The following TANK variants were observed in gnomAD, a reference collection of about 807,000 sequenced individuals.
The protein encoded by TANK is TRAF family member-associated NF-kappa-B activator.
Under a neutral mutation model 43.6 loss-of-function variants are expected in TANK, and 15 were observed. The observed-to-expected ratio is 0.34, with a 90% CI of 0.23 to 0.53. TANK has a LOEUF of 0.53. Among genes scored for constraint, TANK ranks in the 20% least tolerant of loss-of-function variants. The pLI is 0.94. For missense variants in TANK, 417 were observed against 498.6 expected (o/e 0.84, Z 1.56); for synonymous variants, 162 against 178.2 (o/e 0.91, Z 0.73).
At chr2:161,182,238 A>G (rs1241293739) in intron 2 of TANK, among the ~76,000 whole-genome samples, 1 of 152,142 alleles carries the variant, frequency 6.6e-6, no homozygotes, top group African/African-American at 2.4e-5. Flanking sequence ...AGCAGTGGAC[A>G]CCAGCTAGAT....
In TANK at chr2:161,224,762, A is replaced by T; in HGVS notation, c.520+16A>T. 1 of 1,373,346 alleles carries T rather than the reference A, an allele frequency of 7.3e-7. No individual in the cohort carries two copies. Among genetic ancestry groups the T allele is most frequent in the Non-Finnish European group, 1.0e-6 (1 of 998,958 alleles). 85.1% of individuals were successfully genotyped at this position (1,373,346 alleles called of 1,614,324 possible). A position where few individuals can be genotyped will look rare whatever the true frequency, so the allele number is the denominator to read the frequency against. On this transcript the variant is annotated intron_variant, in intron 6 of 7. Coordinates refer to ENST00000392749, the MANE Select transcript of TANK (RefSeq NM_001199135.3). ...ACTGCAACTGGTAAGATTTAATTTA[A>T]TTTACAGTAATATTGATTTGCTTGA...
chr2:161,140,906 C>T (rs916191516), intron 1 of TANK, among the ~76,000 whole-genome samples: 2 of 151,994 alleles, frequency 1.3e-5, no homozygotes, highest in Non-Finnish European at 2.9e-5. Flanking sequence ...ATATACCACC[C>T]TTCCTACCCC....
At chr2:161,186,339 T>C (rs1236633579) in intron 2 of TANK, among the ~76,000 whole-genome samples, 1 of 152,226 alleles carries the variant, frequency 6.6e-6, no homozygotes, top group Non-Finnish European at 1.5e-5. Flanking sequence ...AATATATTCC[T>C]ATTTCAGAAC....
intron 4 of TANK, among the ~76,000 whole-genome samples, chr2:161,221,537 C>T (rs185249610): frequency 7.9e-4 from 120 of 152,176 alleles, no homozygotes; most frequent in African/African-American, 2.8e-3. Context: ...ATCCTAAATC[C>T]TTTGAAAAAT....
rs1684591516 is a variant in TANK at position 161,164,614 on chromosome 2, C to T, written c.-50+4128C>T. ...CTAAGTGCAGTATTTGGTCACTGTT[C>T]AAATAAGTTGAGGGTAACTGGTACC... On this transcript the variant is annotated intron_variant, in intron 1 of 7. Transcript: ENST00000392749. Among the ~76,000 whole-genome samples the T allele has an allele frequency of 1.3e-5, 2 of 152,120 alleles. 1 individual carries two copies. The highest frequency in any genetic ancestry group is 6.3e-3 in the Middle Eastern group (2 of 316).
chr2:161,186,496 AGAAT>A (rs1268506818), intron 2 of TANK, among the ~76,000 whole-genome samples: 1 of 152,224 alleles, frequency 6.6e-6, no homozygotes, highest in Non-Finnish European at 1.5e-5. Context: ...CAGATACAGA[AGAAT>A]GAAAGTAGAC....
rs1237233355 is a variant in TANK at position 161,235,640 on chromosome 2, T to C, written c.*122T>C. 6 of 785,322 alleles carry C rather than the reference T, an allele frequency of 7.6e-6. No individual in the cohort carries two copies. Among genetic ancestry groups the C allele is most frequent in the Non-Finnish European group, 1.1e-5 (6 of 536,416 alleles). The allele number at this position is 785,322 out of a possible 1,614,324, so 48.6% of individuals were successfully genotyped here. A position where few individuals can be genotyped will look rare whatever the true frequency, so the allele number is the denominator to read the frequency against. ...TAGGAAAATCTAGTTTCACAGCTAT[T>C]TGAATTTTTTTCTGGATTTACTATA... On this transcript the variant is annotated 3_prime_UTR_variant, in exon 8 of 8. Coordinates refer to ENST00000392749, the MANE Select transcript of TANK (RefSeq NM_001199135.3).
intron 2 of TANK, among the ~76,000 whole-genome samples, chr2:161,186,820 AAAC>A (rs1432768002): frequency 1.3e-5 from 2 of 152,144 alleles, no homozygotes; most frequent in Non-Finnish European, 2.9e-5. Context: ...TTCAATAGCA[AAAC>A]AACAAAAACA....
chr2:161,194,010 A>G (rs1417276826), intron 2 of TANK, among the ~76,000 whole-genome samples: 1 of 152,196 alleles, frequency 6.6e-6, no homozygotes, highest in Non-Finnish European at 1.5e-5. Context: ...GGAATTAAAT[A>G]TTTAATCAGT....
At chr2:161,150,314 G>A (rs916466510) in intron 1 of TANK, among the ~76,000 whole-genome samples, 1 of 151,980 alleles carries the variant, frequency 6.6e-6, no homozygotes, top group African/African-American at 2.4e-5. Context: ...TATTTGGTTG[G>A]TGGTAATGTC....
chr2:161,140,417 A>G (rs1258424653), intron 1 of TANK, among the ~76,000 whole-genome samples: 1 of 151,814 alleles, frequency 6.6e-6, no homozygotes, highest in Admixed American at 6.6e-5. Context: ...ACTTTTTAAA[A>G]TCATCTCCAT....
intron 1 of TANK, 77 bp downstream of exon 1, chr2:161,160,563 G>C: frequency 8.5e-7 from 1 of 1,171,198 alleles, no homozygotes; most frequent in Non-Finnish European, 1.1e-6. Flanking sequence ...GCGTGAGCGA[G>C]AGGGACGCGC....
intron 1 of TANK, among the ~76,000 whole-genome samples, chr2:161,164,989 A>G (rs1420427283): frequency 2.6e-5 from 4 of 151,736 alleles, no homozygotes; most frequent in Non-Finnish European, 5.9e-5. Context: ...TTATGAGAGT[A>G]AACATTTTGA....
chr2:161,200,677 C>T (rs1212221638), intron 2 of TANK: 2 of 378,852 alleles, frequency 5.3e-6, no homozygotes, highest in South Asian at 1.1e-4. Context: ...TTCCCTTTGT[C>T]GTATTTACCT....
chr2:161,235,260 C>A (rs776143819), intron 7 of TANK, 82 bp from the exon 8 acceptor site: 2 of 1,266,410 alleles, frequency 1.6e-6, no homozygotes, highest in Non-Finnish European at 1.1e-6. Context: ...CCATGCGTAA[C>A]TCATTCAGAA....
intron 2 of TANK, among the ~76,000 whole-genome samples, chr2:161,197,183 G>A (rs1686190554): frequency 6.6e-6 from 1 of 152,158 alleles, no homozygotes; most frequent in Non-Finnish European, 1.5e-5. Flanking sequence ...TGTTCTGTTG[G>A]TGGTAGTCGT....
intron 1 of TANK, among the ~76,000 whole-genome samples, chr2:161,149,744 G>GTTTTTTTTTTTTCTT (rs1684019772): frequency 7.0e-6 from 1 of 143,792 alleles, no homozygotes. Flanking sequence ...AATCATGTGG[G>GTTTTTTTTTTTTCTT]TTTTTTTTTT....
chr2:161,149,394 T>C (rs1460181058), intron 1 of TANK, among the ~76,000 whole-genome samples: 2 of 152,332 alleles, frequency 1.3e-5, no homozygotes, highest in South Asian at 2.1e-4. Context: ...GTGAATACTT[T>C]GGGAGTTTTC....
chr2:161,178,658 A>T (rs1000758221), intron 1 of TANK, among the ~76,000 whole-genome samples: 2 of 152,192 alleles, frequency 1.3e-5, no homozygotes, highest in African/African-American at 4.8e-5. Flanking sequence ...ATTTTATACT[A>T]TATGAATTGT....
Sources: allele counts gnomAD v4.1 joint callset (sites outside exome capture counted in the v4.1 genomes callset), GRCh38; gene constraint gnomAD v4.1.1; transcripts MANE v1.5; gene names NCBI Gene and HGNC (gene_info 2026-07-23, HGNC 2026-07-21).